GREM2: variants seen among roughly 807,000 people sequenced by gnomAD.
GREM2 encodes gremlin 2, DAN family BMP antagonist.
A neutral mutation model predicts 14.2 loss-of-function variants in GREM2; 11 were observed. The ratio of observed to expected loss-of-function variants is 0.78; its 90% CI spans 0.49 to 1.28. The LOEUF is 1.28. GREM2 is among the 50% of genes most tolerant of loss of function. GREM2 has a pLI of 0.00. For synonymous variants in GREM2, 98 were observed against 97.6 expected, an observed-to-expected ratio of 1.00 and a Z score of -0.02; for missense variants, 210 against 218.5, an observed-to-expected ratio of 0.96 and a Z score of 0.24.
chr1:240,590,841 A>T (rs1679696770), intron 1 of GREM2: 1 of 149,054 alleles, frequency 6.7e-6, no homozygotes, highest in Non-Finnish European at 1.5e-5. Context: ...GCTGGAGTGC[A>T]GTGGGGCGAT....
intron 1 of GREM2, among the ~76,000 whole-genome samples, chr1:240,605,647 G>T (rs1231731766): frequency 6.6e-6 from 1 of 151,766 alleles, no homozygotes; most frequent in African/African-American, 2.4e-5. Context: ...AAATCACAGC[G>T]TTTCCAGAAT....
intron 1 of GREM2, among the ~76,000 whole-genome samples, chr1:240,518,300 G>T (rs1356356408): frequency 1.3e-5 from 2 of 152,136 alleles, no homozygotes; most frequent in Non-Finnish European, 2.9e-5. Flanking sequence ...TCTGTGAAGG[G>T]CTATATATTC....
intron 1 of GREM2, among the ~76,000 whole-genome samples, chr1:240,605,549 T>A (rs1047188506): frequency 6.6e-6 from 1 of 152,080 alleles, no homozygotes; most frequent in Non-Finnish European, 1.5e-5. Context: ...AGAGATTTTT[T>A]AAAAATCTAA....
rs914566613 is a variant in GREM2, at chr1:240,552,357, G to T, written c.-1-58881C>A. 1.6e-4 allele frequency among the ~76,000 whole-genome samples: 24 copies of T among 152,124 alleles called. 1 individual carries two copies. The highest frequency in any genetic ancestry group is 5.1e-4 in the African/African-American group (21 of 41,400). On this transcript the variant is annotated intron_variant, in intron 1 of 1. Transcript: ENST00000318160. ...GTGCTTTGGGAGGCTGAGGTGGGGGGGTCGCTTAAGGCCAGGAGTTTGAGA... is the reference window on the plus strand; with the variant it reads ...GTGCTTTGGGAGGCTGAGGTGGGGGTGTCGCTTAAGGCCAGGAGTTTGAGA...
At chr1:240,596,648 G>C (rs1679823491) in intron 1 of GREM2, among the ~76,000 whole-genome samples, 1 of 151,572 alleles carries the variant, frequency 6.6e-6, no homozygotes, top group Non-Finnish European at 1.5e-5. Flanking sequence ...GGTGAGCTGA[G>C]ATTGTGCCAT....
rs1442340788 is a variant in GREM2 at position 240,547,514 on chromosome 1, A to AAAAT, written c.-1-54039_-1-54038insATTT. Among the ~76,000 whole-genome samples, 145 of 102,656 alleles carry AAAAT rather than the reference A, an allele frequency of 1.4e-3. 1 individual carries two copies. The highest frequency in any genetic ancestry group is 3.1e-3 in the South Asian group (10 of 3,250). 67.3% of individuals were successfully genotyped at this position (102,656 alleles called of 152,430 possible). ...GACTCCATCTCAAAAAAAAAAAAAA[A>AAAAT]ATATATATATATATATATATAGATA... is the stretch of plus-strand genomic sequence containing the variant. On this transcript the variant is annotated intron_variant, in intron 1 of 1. Coordinates refer to ENST00000318160, the MANE Select transcript of GREM2 (RefSeq NM_022469.4).
At chr1:240,578,784 A>AAAAATAAAATAAAATAAAAT (rs150700705) in intron 1 of GREM2, among the ~76,000 whole-genome samples, 2 of 146,990 alleles carry the variant, frequency 1.4e-5, no homozygotes, top group Admixed American at 6.8e-5. Context: ...ACTCAGTCTC[A>AAAAATAAAATAAAATAAAAT]AAAATAAAAT....
At chr1:240,555,783 C>T (rs1678944824) in intron 1 of GREM2, among the ~76,000 whole-genome samples, 1 of 152,124 alleles carries the variant, frequency 6.6e-6, no homozygotes, top group Admixed American at 6.6e-5. Context: ...GTATGTTATC[C>T]ATTAGCCACT....
intron 1 of GREM2, among the ~76,000 whole-genome samples, chr1:240,524,908 C>A (rs566389780): frequency 2.8e-4 from 43 of 152,250 alleles, no homozygotes; most frequent in African/African-American, 9.9e-4. Flanking sequence ...CTAGGCCAGT[C>A]GTGGAAAGCC....
At chr1:240,563,244 TGCACAG>T (rs1415023110) in intron 1 of GREM2, among the ~76,000 whole-genome samples, 1 of 151,996 alleles carries the variant, frequency 6.6e-6, no homozygotes, top group Non-Finnish European at 1.5e-5. Context: ...TGTGTGTGTA[TGCACAG>T]GAACATATTT....
chr1:240,547,351 T>G (rs1287731666), intron 1 of GREM2, among the ~76,000 whole-genome samples: 1 of 151,404 alleles, frequency 6.6e-6, no homozygotes, highest in African/African-American at 2.4e-5. Context: ...ATACAAAAAA[T>G]TAGCCAGGCG....
chr1:240,589,456 GA>G (rs1341677156), intron 1 of GREM2, among the ~76,000 whole-genome samples: 2 of 147,648 alleles, frequency 1.4e-5, no homozygotes, highest in Non-Finnish European at 3.0e-5. Flanking sequence ...AAAAAAAAAA[GA>G]AAAAAAAGAA....
intron 1 of GREM2, among the ~76,000 whole-genome samples, chr1:240,608,416 G>A (rs1680073023): frequency 6.6e-6 from 1 of 152,150 alleles, no homozygotes; most frequent in Non-Finnish European, 1.5e-5. Flanking sequence ...CCAAAACGTA[G>A]CTACCATAAT....
chr1:240,562,963 T>TGTGTGTATGTGTGTATATGTAA (rs1165973524), intron 1 of GREM2, among the ~76,000 whole-genome samples: 19 of 142,526 alleles, frequency 1.3e-4, no homozygotes, highest in Non-Finnish European at 2.7e-4. Flanking sequence ...TGTGTGTGAG[T>TGTGTGTATGTGTGTATATGTAA]GTGTGTATGT....
intron 1 of GREM2, among the ~76,000 whole-genome samples, chr1:240,578,389 A>G (rs563196795): frequency 1.3e-5 from 2 of 152,002 alleles, no homozygotes; most frequent in East Asian, 3.9e-4. Flanking sequence ...GCCTCCCAAA[A>G]TGCTGGGATT....
At chr1:240,596,482 A>G (rs1413207233) in intron 1 of GREM2, among the ~76,000 whole-genome samples, 10 of 152,274 alleles carry the variant, frequency 6.6e-5, no homozygotes, top group Admixed American at 1.3e-4. Context: ...GGATCACCTG[A>G]GATCAGGAGT....
intron 1 of GREM2, among the ~76,000 whole-genome samples, chr1:240,567,997 T>C (rs534845967): frequency 6.8e-4 from 104 of 152,170 alleles, no homozygotes; most frequent in Non-Finnish European, 8.8e-4. Flanking sequence ...TAATCCCAGC[T>C]ACTTGGCAGG....
chr1:240,505,383 G>A (rs962303136), intron 1 of GREM2, among the ~76,000 whole-genome samples: 3 of 152,034 alleles, frequency 2.0e-5, no homozygotes, highest in African/African-American at 7.3e-5. Context: ...GCACAGTAGG[G>A]AATGTCTGCT....
At chr1:240,496,816 C>G (rs1431846929) in intron 1 of GREM2, among the ~76,000 whole-genome samples, 1 of 152,090 alleles carries the variant, frequency 6.6e-6, no homozygotes, top group Non-Finnish European at 1.5e-5. Context: ...TTGAGACCAG[C>G]CTGGCCAAAA....
Sources: gnomAD v4.1 joint callset for allele counts (sites outside exome capture counted in the v4.1 genomes callset) on GRCh38, gnomAD v4.1.1 for gene constraint, MANE v1.5 for transcripts, NCBI Gene and HGNC (gene_info 2026-07-23, HGNC 2026-07-21) for gene names.